SETD1B: variants seen among roughly 807,000 people sequenced by gnomAD.
The protein encoded by SETD1B is histone-lysine N-methyltransferase SETD1B.
A neutral mutation model predicts 148.0 loss-of-function variants in SETD1B; 7 were observed. The observed-to-expected ratio is 0.05, with a 90% CI of 0.03 to 0.09. The LOEUF is 0.09. SETD1B is among the 10% of genes least tolerant of loss of function. The pLI is 1.00. For missense variants in SETD1B, 2,155 were observed against 2,729.9 expected (o/e 0.79, Z 4.69); for synonymous variants, 1,361 against 1,186.5 (o/e 1.15, Z -3.02).
At chr12:121,801,474 CCTT>C (rs1026203741), upstream of SETD1B, 7 of 152,542 alleles carry the variant, frequency 4.6e-5, no homozygotes, top group African/African-American at 7.2e-5. Context: ...CCAGAATCCT[CCTT>C]CTCCTCTCAG....
chr12:121,793,346 C>T, the SETD1B span: 1 of 1,433,750 alleles, frequency 7.0e-7, no homozygotes, highest in East Asian at 2.5e-5. Context: ...AGCCCCCCCT[C>T]ACCCCGCTGG....
At chr12:121,799,741 C>CG (rs1276594272), upstream of SETD1B, 5 of 26,650 alleles carry the variant, frequency 1.9e-4, no homozygotes, top group South Asian at 1.7e-3. Context: ...TGGGGTGGGG[C>CG]GGGGCCGCAG....
rs746701029 is a variant in SETD1B, at chr12:121,827,792, G to A, written c.5527G>A (p.Ala1843Thr). ...KSHIHDWGLF[A>T]MEPIAADEMV... ...CCACATTCACGACTGGGGCTTGTTCGCCATGGAGCCCATCGCGGCTGACGA... is the reference window on the plus strand; with the variant it reads ...CCACATTCACGACTGGGGCTTGTTCACCATGGAGCCCATCGCGGCTGACGA... Residue 1843 changes from alanine to threonine, a missense_variant, in exon 15 of 17, where the codon GCC becomes ACC. Ala to Thr is a moderately conservative substitution (Grantham distance 58). Coordinates refer to ENST00000604567, the MANE Select transcript of SETD1B (RefSeq NM_001353345.2). 1.3e-6 allele frequency: 2 copies of A among 1,556,976 alleles called. No individual in the cohort carries two copies. Among genetic ancestry groups the A allele is most frequent in the Non-Finnish European group, 1.7e-6 (2 of 1,149,600 alleles).
intron 7 of SETD1B, among the ~76,000 whole-genome samples, chr12:121,816,254 C>T (rs1876288453): frequency 6.6e-6 from 1 of 151,892 alleles, no homozygotes; most frequent in African/African-American, 2.4e-5. Context: ...CCCTCCCCTC[C>T]ACCCCATTCC....
At chr12:121,814,998 C>T (rs1876223252) in intron 7 of SETD1B, 68 bp downstream of exon 7, 4 of 1,372,144 alleles carry the variant, frequency 2.9e-6, no homozygotes, top group Non-Finnish European at 2.0e-6. Flanking sequence ...CCGGGCACCT[C>T]CTCTTTCCCT....
At chr12:121,818,305 G>A (rs144643303) in intron 10 of SETD1B, among the ~76,000 whole-genome samples, 327 of 152,324 alleles carry the variant, frequency 2.1e-3, no homozygotes, top group Middle Eastern at 6.8e-3. Flanking sequence ...GCTTACACCT[G>A]TAATCCCAGC....
the SETD1B span, among the ~76,000 whole-genome samples, chr12:121,796,512 C>T: frequency 6.6e-6 from 1 of 152,236 alleles, no homozygotes; most frequent in East Asian, 1.9e-4. Context: ...TCCCTGGATG[C>T]CTGAGAACCC....
rs954152536 is a variant in SETD1B at position 121,804,646 on chromosome 12, T to G, written c.-14-78T>G. 5.0e-5 allele frequency: 64 copies of G among 1,276,430 alleles called. No homozygotes were observed. The highest frequency in any genetic ancestry group is 6.4e-5 in the Non-Finnish European group (59 of 925,808). The allele number at this position is 1,276,430 out of a possible 1,614,324, so 79.1% of individuals were successfully genotyped here. Reference sequence around the variant, plus strand: ...GTGGGAGGGGGTGGGGGCCTGCCGATTGGATTCTTTCGCGTGTGTGTAGAA... The same window carrying G: ...GTGGGAGGGGGTGGGGGCCTGCCGAGTGGATTCTTTCGCGTGTGTGTAGAA... On this transcript the variant is annotated intron_variant, in intron 1 of 16. Coordinates refer to ENST00000604567, the MANE Select transcript of SETD1B (RefSeq NM_001353345.2). The surrounding 1 kb of genome is among the most constrained non-coding windows in gnomAD (Gnocchi z 4.6).
chr12:121,812,183 C>T (rs2137556198), intron 6 of SETD1B, among the ~76,000 whole-genome samples: 1 of 152,264 alleles, frequency 6.6e-6, no homozygotes, highest in South Asian at 2.1e-4. Context: ...CCTGGGCTTT[C>T]TGCGGCCGCG....
At chr12:121,799,631 C>T (rs1451451387), upstream of SETD1B, 1 of 151,758 alleles carries the variant, frequency 6.6e-6, no homozygotes, top group Admixed American at 6.6e-5. Context: ...CAGAGACTTA[C>T]ACGCCCCAAA....
the SETD1B span, among the ~76,000 whole-genome samples, chr12:121,791,458 A>T: frequency 3.9e-5 from 6 of 152,182 alleles, no homozygotes; most frequent in Non-Finnish European, 8.8e-5. Context: ...CTGGGGTCAA[A>T]GCCCAGATCT....
At chr12:121,798,106 G>A in the SETD1B span, among the ~76,000 whole-genome samples, 1 of 152,242 alleles carries the variant, frequency 6.6e-6, no homozygotes, top group Non-Finnish European at 1.5e-5. Flanking sequence ...CAGACAGCTG[G>A]GGTGAGGGGG....
Position 121,810,307 on chromosome 12 carries a change from G to A in SETD1B, c.1362G>A (p.Pro454=), listed in dbSNP as rs779982934. Residue 454 remains proline (P), a synonymous_variant, in exon 6 of 17, where the codon CCG becomes CCA. Coordinates refer to ENST00000604567, the MANE Select transcript of SETD1B (RefSeq NM_001353345.2). This position sits in a 1 kb window ranked among gnomAD's most constrained non-coding sequence, Gnocchi z 7.6. ...AGAAGCCAGGCACGCCACCCGGCCC[G>A]CCGCCCCCCGACACCAACAGCATGG... ...AKEKPGTPPG[P]PPPDTNSMEL... 34 of 1,542,866 alleles carry A rather than the reference G, an allele frequency of 2.2e-5. No individual in the cohort carries two copies. The South Asian group carries it at 2.5e-4, about 11-fold the overall frequency.
intron 12 of SETD1B, among the ~76,000 whole-genome samples, chr12:121,824,661 ACT>A (rs1386601131): frequency 6.6e-6 from 1 of 151,608 alleles, no homozygotes; most frequent in Non-Finnish European, 1.5e-5. Context: ...AAAAAAAAAA[ACT>A]CTGCTAAGGA....
intron 7 of SETD1B, among the ~76,000 whole-genome samples, chr12:121,815,673 C>T (rs1202112135): frequency 6.6e-6 from 1 of 152,080 alleles, no homozygotes; most frequent in Non-Finnish European, 1.5e-5. Flanking sequence ...CCACACCCAG[C>T]TAATTTGTGT....
intron 12 of SETD1B, among the ~76,000 whole-genome samples, chr12:121,824,827 A>G (rs1418070215): frequency 6.6e-6 from 1 of 152,052 alleles, no homozygotes; most frequent in Admixed American, 6.6e-5. Context: ...AGCCTGGGAA[A>G]CATAGCAAAA....
Position 121,822,830 on chromosome 12 carries a change from G to A in SETD1B, c.4251G>A (p.Leu1417=). 1.3e-6 allele frequency: 2 copies of A among 1,495,884 alleles called. No homozygotes were observed. Among genetic ancestry groups the A allele is most frequent in the Non-Finnish European group, 1.8e-6 (2 of 1,116,852 alleles). The allele number at this position is 1,495,884 out of a possible 1,614,324, so 92.7% of individuals were successfully genotyped here. The part of the protein sequence containing the change: ...PFSYPAPSPS[L]SSGGLPRTPG... ...CCTACCCAGCCCCGTCCCCTAGCTT[G>A]AGCAGTGGGGGCCTCCCTCGGACAC... Residue 1417 remains leucine (L), a synonymous_variant, in exon 12 of 17, where the codon TTG becomes TTA. Coordinates refer to ENST00000604567, the MANE Select transcript of SETD1B (RefSeq NM_001353345.2).
rs916320264 is a variant in SETD1B, at chr12:121,830,296, A to G, written c.*57A>G. The G allele has an allele frequency of 3.9e-5, 58 of 1,502,730 alleles. No homozygotes were observed. The highest frequency in any genetic ancestry group is 4.6e-4 in the Middle Eastern group (2 of 4,326). The allele number at this position is 1,502,730 out of a possible 1,614,324, so 93.1% of individuals were successfully genotyped here. A position where few individuals can be genotyped will look rare whatever the true frequency, so the allele number is the denominator to read the frequency against. On this transcript the variant is annotated 3_prime_UTR_variant, in exon 17 of 17. Coordinates refer to ENST00000604567, the MANE Select transcript of SETD1B (RefSeq NM_001353345.2). The surrounding 1 kb of genome is among the most constrained non-coding windows in gnomAD (Gnocchi z 5.7). Reference sequence around the variant, plus strand: ...GTAGCCCTGGGACTCCCGAGCGTGGAGCCCCTGGCCCCGGGGCCCGGCCCC... The same window carrying G: ...GTAGCCCTGGGACTCCCGAGCGTGGGGCCCCTGGCCCCGGGGCCCGGCCCC...
the SETD1B span, among the ~76,000 whole-genome samples, chr12:121,794,941 G>A: frequency 1.9e-3 from 292 of 152,332 alleles, 3 homozygotes; most frequent in African/African-American, 6.8e-3. Flanking sequence ...GGGGCTGGCA[G>A]GACTCAGGAT....
Sources: allele counts gnomAD v4.1 joint callset (sites outside exome capture counted in the v4.1 genomes callset), GRCh38; gene constraint gnomAD v4.1.1; non-coding constraint Gnocchi (gnomAD v3.1); transcripts MANE v1.5; gene names NCBI Gene and HGNC (gene_info 2026-07-23, HGNC 2026-07-21).